The following NAALADL2 variants were observed in gnomAD, a reference collection of about 807,000 sequenced individuals.
The protein encoded by NAALADL2 is inactive N-acetylated-alpha-linked acidic dipeptidase-like protein 2.
In NAALADL2, 76 loss-of-function variants were observed where a neutral mutation model predicts 87.2. The observed-to-expected ratio is 0.87, with a 90% CI of 0.72 to 1.05. The LOEUF (loss-of-function observed/expected upper bound fraction) is 1.05, where lower values mean the gene tolerates loss of function less well. Ranked by LOEUF, NAALADL2 falls within the 50% of genes least tolerant of loss-of-function variation. NAALADL2 has a pLI of 0.00. For missense variants in NAALADL2, 1,089 were observed against 945.8 expected, an observed-to-expected ratio of 1.15 and a Z score of -1.99; for synonymous variants, 354 against 331.0, an observed-to-expected ratio of 1.07 and a Z score of -0.75.
intron 4 of NAALADL2, among the ~76,000 whole-genome samples, chr3:175,314,563 C>CTATATATATATATATATATA (rs57049565): frequency 2.9e-5 from 2 of 69,614 alleles, no homozygotes; most frequent in South Asian, 5.8e-4. Flanking sequence ...CACATTCTAA[C>CTATATATATATATATATATA]TATATATATA....
At chr3:174,676,440 G>A (rs1214323671) in intron 2 of NAALADL2, among the ~76,000 whole-genome samples, 1 of 151,866 alleles carries the variant, frequency 6.6e-6, no homozygotes, top group Non-Finnish European at 1.5e-5. Context: ...AAAATCAAGT[G>A]TCTATTCAAT....
intron 13 of NAALADL2, among the ~76,000 whole-genome samples, chr3:175,758,701 G>A (rs1747592295): frequency 6.6e-6 from 1 of 152,030 alleles, no homozygotes; most frequent in Non-Finnish European, 1.5e-5. Context: ...CTAATGAAAA[G>A]TAGATTGATT....
intron 11 of NAALADL2, among the ~76,000 whole-genome samples, chr3:175,629,441 C>T (rs2149722190): frequency 6.6e-6 from 1 of 150,756 alleles, no homozygotes; most frequent in Middle Eastern, 3.4e-3. Context: ...ATTCTAGACA[C>T]TCAGAGTCTA....
intron 1 of NAALADL2, among the ~76,000 whole-genome samples, chr3:175,073,132 T>G (rs1470172784): frequency 6.6e-6 from 1 of 152,040 alleles, no homozygotes; most frequent in Non-Finnish European, 1.5e-5. Context: ...TAAATAATTT[T>G]TAGGCCAAAT....
At chr3:175,670,766 G>A (rs1318959229) in intron 11 of NAALADL2, among the ~76,000 whole-genome samples, 1 of 150,718 alleles carries the variant, frequency 6.6e-6, no homozygotes, top group Non-Finnish European at 1.5e-5. Context: ...CCAACGTTTT[G>A]GCAAGTTCTG....
At chr3:174,453,265 C>T (rs2108276481) in intron 1 of NAALADL2, among the ~76,000 whole-genome samples, 1 of 152,228 alleles carries the variant, frequency 6.6e-6, no homozygotes, top group Admixed American at 6.5e-5. Context: ...AAAAAACCCT[C>T]TGAGAAATAT....
chr3:175,768,830 T>TA (rs746798077), intron 13 of NAALADL2, among the ~76,000 whole-genome samples: 1 of 143,182 alleles, frequency 7.0e-6, no homozygotes, highest in African/African-American at 2.7e-5. Flanking sequence ...CCAGCCTGGG[T>TA]GATAGAATGA....
intron 1 of NAALADL2, among the ~76,000 whole-genome samples, chr3:174,504,631 C>T (rs1368788297): frequency 6.6e-6 from 1 of 152,090 alleles, no homozygotes; most frequent in Non-Finnish European, 1.5e-5. Context: ...TGAGAGTTTA[C>T]ATCTATTTAC....
intron 2 of NAALADL2, among the ~76,000 whole-genome samples, chr3:174,708,201 T>TATC (rs1232830072): frequency 1.3e-5 from 2 of 152,184 alleles, no homozygotes; most frequent in African/African-American, 4.8e-5. Flanking sequence ...TACCTCCCCT[T>TATC]ATCTGTCAAT....
chr3:175,347,138 A>G (rs10936846), intron 5 of NAALADL2, among the ~76,000 whole-genome samples: 24,632 of 152,118 alleles, frequency 0.16, 2,854 homozygotes, highest in African/African-American at 0.33. Flanking sequence ...GAACCGGCAC[A>G]CTGGTGACTC....
rs1738346493 is a variant in NAALADL2 at position 175,698,364 on chromosome 3, T to TGTGTATTTATGTATGTATAC, written c.1897-38942_1897-38941insGTGTATTTATGTATGTATAC. Among the ~76,000 whole-genome samples, 9 of 51,088 alleles carry TGTGTATTTATGTATGTATAC rather than the reference T, an allele frequency of 1.8e-4. 2 individuals carry two copies. The highest frequency in any genetic ancestry group is 3.4e-4 in the Non-Finnish European group (9 of 26,602). The allele number at this position is 51,088 out of a possible 152,430, so 33.5% of individuals were successfully genotyped here. On this transcript the variant is annotated intron_variant, in intron 11 of 13. Coordinates refer to ENST00000454872, the MANE Select transcript of NAALADL2 (RefSeq NM_207015.3). Reference sequence around the variant, plus strand: ...ATGTATGTGTATTTATGTATGTGTATATATGTATGTGTATTTATGTATGTA... The same window carrying TGTGTATTTATGTATGTATAC: ...ATGTATGTGTATTTATGTATGTGTATGTGTATTTATGTATGTATACATATGTATGTGTATTTATGTATGTA...
intron 3 of NAALADL2, among the ~76,000 whole-genome samples, chr3:175,251,101 A>G (rs1748985262): frequency 1.3e-5 from 2 of 152,124 alleles, no homozygotes; most frequent in Admixed American, 1.3e-4. Flanking sequence ...CAAATTAAAA[A>G]CCATAGAACC....
At chr3:175,595,690 A>C (rs1340320748) in intron 10 of NAALADL2, among the ~76,000 whole-genome samples, 2 of 151,962 alleles carry the variant, frequency 1.3e-5, no homozygotes, top group African/African-American at 4.8e-5. Context: ...CAAGGAAGTG[A>C]AAGATCTTTA....
At chr3:174,949,063 T>C (rs1739924550) in intron 1 of NAALADL2, among the ~76,000 whole-genome samples, 1 of 152,078 alleles carries the variant, frequency 6.6e-6, no homozygotes. Context: ...AAGACACAAA[T>C]TCCTTTTATG....
chr3:174,770,097 A>C (rs1051718165), intron 3 of NAALADL2, among the ~76,000 whole-genome samples: 1 of 152,148 alleles, frequency 6.6e-6, no homozygotes, highest in African/African-American at 2.4e-5. Context: ...CTTTCAGCAA[A>C]ATTGTAACTC....
chr3:174,523,894 A>C (rs2108420298), intron 1 of NAALADL2, among the ~76,000 whole-genome samples: 1 of 152,230 alleles, frequency 6.6e-6, no homozygotes, highest in Non-Finnish European at 1.5e-5. Flanking sequence ...TCCTTTTTTT[A>C]AAATTCAGGT....
At chr3:174,789,095 A>G (rs1467825477) in intron 3 of NAALADL2, among the ~76,000 whole-genome samples, 1 of 152,148 alleles carries the variant, frequency 6.6e-6, no homozygotes, top group African/African-American at 2.4e-5. Context: ...TGCTGAGGTC[A>G]TTATCACTGG....
intron 1 of NAALADL2, among the ~76,000 whole-genome samples, chr3:174,461,608 C>T (rs539270704): frequency 3.3e-5 from 5 of 152,092 alleles, no homozygotes; most frequent in African/African-American, 7.2e-5. Context: ...TGTCAACATT[C>T]GTTTTTACAA....
At chr3:174,732,045 G>A (rs772456535) in intron 2 of NAALADL2, among the ~76,000 whole-genome samples, 16 of 152,068 alleles carry the variant, frequency 1.1e-4, no homozygotes, top group Non-Finnish European at 5.9e-5. Context: ...ACAGGCATCC[G>A]GCCAAATTTG....
Sources: gnomAD v4.1 joint callset for allele counts (sites outside exome capture counted in the v4.1 genomes callset) on GRCh38, gnomAD v4.1.1 for gene constraint, MANE v1.5 for transcripts, NCBI Gene and HGNC (gene_info 2026-07-23, HGNC 2026-07-21) for gene names.